The following DLG2 variants were observed in gnomAD, a reference collection of about 807,000 sequenced individuals.
The protein encoded by DLG2 is discs large MAGUK scaffold protein 2, also known as disks large homolog 2.
DLG2 carries 45 observed loss-of-function variants against 132.5 expected under a neutral mutation model. The ratio of observed to expected loss-of-function variants is 0.34; its 90% CI spans 0.27 to 0.44. DLG2 has a LOEUF of 0.44. Among genes scored for constraint, DLG2 ranks in the 20% least tolerant of loss-of-function variants. The pLI is 1.00. For synonymous variants in DLG2, 424 were observed against 419.6 expected, an observed-to-expected ratio of 1.01 and a Z score of -0.13; for missense variants, 1,045 against 1,196.9, an observed-to-expected ratio of 0.87 and a Z score of 1.87.
intron 5 of DLG2, among the ~76,000 whole-genome samples, chr11:85,119,226 T>C (rs1227304633): frequency 3.9e-5 from 6 of 152,052 alleles, no homozygotes; most frequent in African/African-American, 1.4e-4. Context: ...TTAAGATAAC[T>C]AAATTTGGGA....
chr11:84,986,808 C>G (rs1429903981), intron 6 of DLG2, among the ~76,000 whole-genome samples: 3 of 152,104 alleles, frequency 2.0e-5, no homozygotes, highest in African/African-American at 7.2e-5. Flanking sequence ...CAACATAATA[C>G]TGAATGGAGA....
chr11:84,077,672 A>G (rs1395753093), intron 10 of DLG2, among the ~76,000 whole-genome samples: 1 of 152,248 alleles, frequency 6.6e-6, no homozygotes, highest in East Asian at 1.9e-4. Context: ...TTTTTTCACA[A>G]TTACATCACT....
chr11:83,682,233 C>T (rs771253153), intron 18 of DLG2: 1 of 985,342 alleles, frequency 1.0e-6, no homozygotes, highest in Non-Finnish European at 1.2e-6. Context: ...TCCTTGGTGC[C>T]AGGTTCTCCT....
chr11:84,360,067 A>C (rs186077470), intron 7 of DLG2, among the ~76,000 whole-genome samples: 174 of 152,034 alleles, frequency 1.1e-3, no homozygotes, highest in Non-Finnish European at 2.1e-3. Flanking sequence ...CCCCAAAACT[A>C]TTAATGGGAT....
At chr11:85,515,023 G>C (rs1349040563) in intron 3 of DLG2, among the ~76,000 whole-genome samples, 2 of 151,932 alleles carry the variant, frequency 1.3e-5, no homozygotes. Flanking sequence ...ATCTATATTT[G>C]TGAGTGATAA....
At chr11:85,102,601 AAAC>A (rs1397038709) in intron 6 of DLG2, among the ~76,000 whole-genome samples, 1 of 152,016 alleles carries the variant, frequency 6.6e-6, no homozygotes, top group Non-Finnish European at 1.5e-5. Context: ...TTCATAATAA[AAAC>A]AACCAACATT....
At chr11:85,510,776 A>T (rs1283939185) in intron 3 of DLG2, among the ~76,000 whole-genome samples, 1 of 151,458 alleles carries the variant, frequency 6.6e-6, no homozygotes, top group African/African-American at 2.4e-5. Context: ...TGTTGGTGGG[A>T]CTGTAAACTA....
intron 3 of DLG2, among the ~76,000 whole-genome samples, chr11:85,505,290 T>A (rs2093902985): frequency 6.6e-6 from 1 of 152,218 alleles, no homozygotes; most frequent in Non-Finnish European, 1.5e-5. Flanking sequence ...GGCATCCCTG[T>A]CTTGCACCAG....
chr11:83,462,793 A>C (rs2090280409), intron 26 of DLG2, among the ~76,000 whole-genome samples: 1 of 152,224 alleles, frequency 6.6e-6, no homozygotes, highest in African/African-American at 2.4e-5. Context: ...ATACTCCAAA[A>C]ATTTGTACAA....
intron 3 of DLG2, among the ~76,000 whole-genome samples, chr11:85,436,515 T>C (rs1430643800): frequency 6.6e-6 from 1 of 152,140 alleles, no homozygotes; most frequent in East Asian, 1.9e-4. Context: ...GAACAGATGC[T>C]TCTCAAAAGA....
chr11:85,086,089 T>C (rs1031368617), intron 6 of DLG2, among the ~76,000 whole-genome samples: 2 of 152,140 alleles, frequency 1.3e-5, no homozygotes, highest in African/African-American at 4.8e-5. Context: ...AATCAGCTAT[T>C]TTTTAAATCA....
At chr11:85,267,829 T>C (rs896720824) in intron 4 of DLG2, among the ~76,000 whole-genome samples, 1 of 152,148 alleles carries the variant, frequency 6.6e-6, no homozygotes, top group African/African-American at 2.4e-5. Flanking sequence ...ACAAAATAAT[T>C]GTTTCAGACA....
intron 6 of DLG2, among the ~76,000 whole-genome samples, chr11:85,000,209 C>T (rs919317541): frequency 6.6e-6 from 1 of 152,074 alleles, no homozygotes; most frequent in African/African-American, 2.4e-5. Context: ...GCCAATAACT[C>T]ATATTTGTAC....
rs552559260 is a variant in DLG2, at chr11:84,151,162, T to A, written c.624+12299A>T. 3.3e-5 allele frequency among the ~76,000 whole-genome samples: 5 copies of A among 151,906 alleles called. No homozygotes were observed. The South Asian group carries it at 8.3e-4, about 25-fold the overall frequency. On this transcript the variant is annotated intron_variant, in intron 9 of 27. Transcript: ENST00000376104. ...AGGGGTCCCTAACCCTAGATTTTTT[T>A]GGAACAGTTTCAGTGAAACTGGTTT...
chr11:83,796,164 T>A (rs1319844659), intron 17 of DLG2, among the ~76,000 whole-genome samples: 1 of 152,046 alleles, frequency 6.6e-6, no homozygotes, highest in South Asian at 2.1e-4. Flanking sequence ...AGTGGATGAG[T>A]GAATAATATT....
intron 12 of DLG2, among the ~76,000 whole-genome samples, chr11:83,966,950 T>A (rs1212627879): frequency 6.6e-6 from 1 of 152,080 alleles, no homozygotes; most frequent in Non-Finnish European, 1.5e-5. Context: ...TATTTGACTT[T>A]TATTTTTTAA....
At chr11:85,116,905 T>G (rs956289378) in intron 5 of DLG2, among the ~76,000 whole-genome samples, 1 of 151,996 alleles carries the variant, frequency 6.6e-6, no homozygotes, top group South Asian at 2.1e-4. Flanking sequence ...TTGAGAAGTC[T>G]TACATATCAC....
intron 6 of DLG2, among the ~76,000 whole-genome samples, chr11:85,058,140 C>T (rs896434753): frequency 6.6e-6 from 1 of 151,396 alleles, no homozygotes; most frequent in South Asian, 2.1e-4. Flanking sequence ...AAATTATTTA[C>T]ATAGTAAATC....
intron 18 of DLG2, among the ~76,000 whole-genome samples, chr11:83,687,417 T>G (rs1030626142): frequency 2.6e-5 from 4 of 152,068 alleles, no homozygotes; most frequent in Non-Finnish European, 5.9e-5. Flanking sequence ...ACAGTGGCGG[T>G]GGTTCTTAGA....
Sources: allele counts gnomAD v4.1 joint callset (sites outside exome capture counted in the v4.1 genomes callset), GRCh38; gene constraint gnomAD v4.1.1; transcripts MANE v1.5; gene names NCBI Gene and HGNC (gene_info 2026-07-23, HGNC 2026-07-21).